Variants in DOCK9 observed in about 807,000 individuals in gnomAD.
DOCK9 encodes dedicator of cytokinesis protein 9.
DOCK9 carries 89 observed loss-of-function variants against 263.3 expected under a neutral mutation model. That is an observed-to-expected ratio of 0.34 (90% CI 0.28 to 0.40). DOCK9 has a LOEUF of 0.40. Ranked by LOEUF, DOCK9 falls within the 10% of genes least tolerant of loss-of-function variation. The probability of loss-of-function intolerance (pLI) is 1.00; values close to 1 mark genes in which losing one functional copy is unlikely to be tolerated. For synonymous variants in DOCK9, 976 were observed against 973.1 expected (o/e 1.00, Z -0.06); for missense variants, 2,140 against 2,603.4 (o/e 0.82, Z 3.87).
rs1232068022 is a variant in DOCK9, at chr13:98,832,706, C to T, written c.4315-920G>A. 4.6e-5 allele frequency among the ~76,000 whole-genome samples: 7 copies of T among 152,352 alleles called. No homozygotes were observed. In the East Asian group the frequency reaches 1.2e-3, roughly 25 times the overall value. ...CTAATGTGCACAACACTAAATGACA[C>T]ACCACCACCTTCCAATACAGACAAG... is the stretch of plus-strand genomic sequence containing the variant. On this transcript the variant is annotated intron_variant, in intron 39 of 52. Coordinates refer to ENST00000682017, the MANE Select transcript of DOCK9 (RefSeq NM_001366683.2).
chr13:98,932,950 A>C (rs1292366905), intron 2 of DOCK9, among the ~76,000 whole-genome samples: 1 of 152,202 alleles, frequency 6.6e-6, no homozygotes, highest in African/African-American at 2.4e-5. Context: ...GACCATAAGC[A>C]TGGAAGACAG....
At chr13:98,958,590 T>G (rs1022752736) in intron 1 of DOCK9, among the ~76,000 whole-genome samples, 1 of 152,232 alleles carries the variant, frequency 6.6e-6, no homozygotes, top group African/African-American at 2.4e-5. Context: ...AGTAAACACA[T>G]GGGCATGGCA....
chr13:99,061,098 T>G lies in DOCK9; in HGVS notation c.129+25125A>C, dbSNP rs192183393. 1.7e-4 allele frequency among the ~76,000 whole-genome samples: 26 copies of G among 152,322 alleles called. No homozygotes were observed. In the East Asian group the frequency reaches 4.8e-3, roughly 28 times the overall value. On this transcript the variant is annotated intron_variant, in intron 1 of 32. Transcript: ENST00000427887. ...CCTTGCCTTTTAAGGATCTCTCATC[T>G]TTATAAGCTAAAGCTGACTGAAAGT...
At position 99,008,230 on chromosome 13, in the gene DOCK9, A is replaced by T. The variant is rs1245020238; in HGVS notation, c.130-52679T>A. Among the ~76,000 whole-genome samples the T allele has an allele frequency of 1.5e-3, 174 of 114,390 alleles. 2 individuals are homozygous for T. Among genetic ancestry groups the T allele is most frequent in the South Asian group, 8.9e-3 (27 of 3,036 alleles). 75.0% of individuals were successfully genotyped at this position (114,390 alleles called of 152,430 possible). Reference sequence around the variant, plus strand: ...TCTCTCTCTATATATATATATATATATATATTTTTTTTTTTTTTTGAGACG... The same window carrying T: ...TCTCTCTCTATATATATATATATATTTATATTTTTTTTTTTTTTTGAGACG... On this transcript the variant is annotated intron_variant, in intron 1 of 32. Transcript: ENST00000427887.
At chr13:98,935,724 C>T (rs192172498) in intron 2 of DOCK9, among the ~76,000 whole-genome samples, 5 of 152,262 alleles carry the variant, frequency 3.3e-5, no homozygotes, top group East Asian at 1.9e-4. Context: ...GCCAAGACCA[C>T]GCCACTGCAC....
chr13:98,882,212 T>C (rs1202400097), intron 23 of DOCK9, among the ~76,000 whole-genome samples: 1 of 151,980 alleles, frequency 6.6e-6, no homozygotes, highest in Non-Finnish European at 1.5e-5. Context: ...GTAAGGCTGC[T>C]AGTCAGGCCT....
At chr13:98,896,533 GCATTTGGCTCTCAGCTATTCTT>G (rs2047466667) in intron 15 of DOCK9, among the ~76,000 whole-genome samples, 1 of 150,596 alleles carries the variant, frequency 6.6e-6, no homozygotes, top group Admixed American at 6.6e-5. Flanking sequence ...AGAATAGTTA[GCATTTGGCTCTCAGCTATTCTT>G]TTCACTTCAC....
At chr13:99,017,959 C>T (rs35694604) in intron 1 of DOCK9, among the ~76,000 whole-genome samples, 13,548 of 152,132 alleles carry the variant, frequency 0.089, 741 homozygotes, top group African/African-American at 0.15. Flanking sequence ...CATTTCACAA[C>T]ATATATCATC....
chr13:99,068,149 C>T (rs1377981148), intron 1 of DOCK9, among the ~76,000 whole-genome samples: 3 of 152,168 alleles, frequency 2.0e-5, no homozygotes, highest in African/African-American at 4.8e-5. Context: ...TATTGGTGAT[C>T]CCTTTTCTCT....
chr13:98,802,035 C>G (rs773198087), intron 49 of DOCK9, among the ~76,000 whole-genome samples: 3 of 152,172 alleles, frequency 2.0e-5, no homozygotes, highest in Non-Finnish European at 2.9e-5. Flanking sequence ...GACTCGGCCT[C>G]GCTGCTCCCT....
At chr13:98,943,488 A>C (rs1173666029) in intron 2 of DOCK9, among the ~76,000 whole-genome samples, 1 of 152,236 alleles carries the variant, frequency 6.6e-6, no homozygotes, top group Non-Finnish European at 1.5e-5. Context: ...TTCTAAGGCC[A>C]AAACCTGGAT....
chr13:99,007,161 G>A (rs895620269), intron 1 of DOCK9, among the ~76,000 whole-genome samples: 8 of 152,120 alleles, frequency 5.3e-5, no homozygotes, highest in East Asian at 1.9e-4. Context: ...AGGCAGAGGC[G>A]GGTGGATCAC....
chr13:99,016,382 G>A lies in DOCK9; in HGVS notation c.130-60831C>T, dbSNP rs185893092. Among the ~76,000 whole-genome samples the A allele has an allele frequency of 9.8e-5, 15 of 152,286 alleles. No individual in the cohort carries two copies. In the East Asian group the frequency reaches 2.7e-3, roughly 27 times the overall value. ...CAGCCCACCTCTACTCTTTGCTAGAGAGGGCTAGCAAGATTGCACTGCTTA... is the reference window on the plus strand; with the variant it reads ...CAGCCCACCTCTACTCTTTGCTAGAAAGGGCTAGCAAGATTGCACTGCTTA... On this transcript the variant is annotated intron_variant, in intron 1 of 32. Coordinates refer to the DOCK9 transcript ENST00000427887.
upstream of DOCK9, among the ~76,000 whole-genome samples, chr13:98,982,886 G>A (rs1877533023): frequency 6.6e-6 from 1 of 152,076 alleles, no homozygotes; most frequent in African/African-American, 2.4e-5. Flanking sequence ...TTTTTGAGAC[G>A]AAGTGTATTT....
chr13:98,973,904 C>CA (rs2059976649), intron 1 of DOCK9, among the ~76,000 whole-genome samples: 1 of 152,038 alleles, frequency 6.6e-6, no homozygotes, highest in Non-Finnish European at 1.5e-5. Context: ...TGATCCTTTT[C>CA]AAAAAATACC....
intron 9 of DOCK9, among the ~76,000 whole-genome samples, chr13:98,909,535 T>C (rs1365739812): frequency 6.6e-6 from 1 of 152,178 alleles, no homozygotes; most frequent in East Asian, 1.9e-4. Context: ...TGCAAAATGT[T>C]TTGAGGCCAA....
At chr13:98,847,402 A>G (rs1366054218) in intron 37 of DOCK9, 1 of 152,238 alleles carries the variant, frequency 6.6e-6, no homozygotes, top group East Asian at 1.9e-4. Context: ...ACTCAAATAT[A>G]AAATTACTGT....
At chr13:99,016,290 G>A (rs373993877) in intron 1 of DOCK9, among the ~76,000 whole-genome samples, 1 of 152,172 alleles carries the variant, frequency 6.6e-6, no homozygotes, top group African/African-American at 2.4e-5. Flanking sequence ...TCTTTTGCAC[G>A]TATGGATAAC....
chr13:99,072,002 C>A (rs1004162980), intron 1 of DOCK9, among the ~76,000 whole-genome samples: 3 of 152,188 alleles, frequency 2.0e-5, no homozygotes. Flanking sequence ...GCTTGAATTT[C>A]TCCAAGGTCT....
Sources: allele counts gnomAD v4.1 joint callset (sites outside exome capture counted in the v4.1 genomes callset), GRCh38; gene constraint gnomAD v4.1.1; transcripts MANE v1.5; gene names NCBI Gene and HGNC (gene_info 2026-07-23, HGNC 2026-07-21).